Variants in FLRT1 observed in about 807,000 individuals in gnomAD.
FLRT1 encodes the protein fibronectin leucine rich transmembrane protein 1.
FLRT1 carries 14 observed loss-of-function variants against 30.9 expected under a neutral mutation model. That is an observed-to-expected ratio of 0.45 (90% CI 0.30 to 0.71). The LOEUF (loss-of-function observed/expected upper bound fraction) is 0.71. Ranked by LOEUF, FLRT1 falls within the 30% of genes least tolerant of loss-of-function variation. FLRT1 has a pLI of 0.08. For missense variants in FLRT1, 737 were observed against 949.2 expected (o/e 0.78, Z 2.94); for synonymous variants, 368 against 430.4 (o/e 0.85, Z 1.80).
At position 64,096,902 on chromosome 11, in the gene FLRT1, C is replaced by G. The variant is rs979183995; in HGVS notation, c.-1037-6292C>G. On this transcript the variant is annotated intron_variant, in intron 1 of 2. Transcript: ENST00000682287. This position sits in a 1 kb window ranked among gnomAD's most constrained non-coding sequence, Gnocchi z 4.6. Reference sequence around the variant, plus strand: ...AGCTGAGAGCCGATGCCTGTCCCTCCGTGAGCTGGGTGCGAGTGGCCCTTG... The same window carrying G: ...AGCTGAGAGCCGATGCCTGTCCCTCGGTGAGCTGGGTGCGAGTGGCCCTTG... Among the ~76,000 whole-genome samples, 1 of 152,236 alleles carries G rather than the reference C, an allele frequency of 6.6e-6. No homozygotes were observed. The highest frequency in any genetic ancestry group is 2.4e-5 in the African/African-American group (1 of 41,468).
At chr11:64,061,873 C>CTTTTT (rs57666180) in intron 1 of FLRT1, among the ~76,000 whole-genome samples, 11 of 99,116 alleles carry the variant, frequency 1.1e-4, no homozygotes, top group Non-Finnish European at 1.3e-4. Flanking sequence ...ACCACGCTGG[C>CTTTTT]TTTTTTTTTT....
chr11:64,072,803 C>T (rs549910575), intron 1 of FLRT1, among the ~76,000 whole-genome samples: 1 of 152,338 alleles, frequency 6.6e-6, no homozygotes, highest in South Asian at 2.1e-4. Context: ...TGCAGCTCCA[C>T]CCTGCATGTG....
chr11:64,042,607 G>T (rs1943509352), intron 1 of FLRT1, among the ~76,000 whole-genome samples: 1 of 152,102 alleles, frequency 6.6e-6, no homozygotes, highest in Non-Finnish European at 1.5e-5. Context: ...GGCCTGTGGG[G>T]GTCTTGGAAG....
chr11:64,065,641 T>G (rs1943989235), intron 1 of FLRT1, among the ~76,000 whole-genome samples: 1 of 151,686 alleles, frequency 6.6e-6, no homozygotes, highest in African/African-American at 2.4e-5. Context: ...ATACAAAAAA[T>G]TAGCCAGGCA....
chr11:64,042,767 T>C (rs1943512946), intron 1 of FLRT1, among the ~76,000 whole-genome samples: 1 of 152,102 alleles, frequency 6.6e-6, no homozygotes, highest in Non-Finnish European at 1.5e-5. Context: ...GACCACTAGG[T>C]CCCTAGTAGC....
At chr11:64,058,730 G>A (rs1036961768) in intron 1 of FLRT1, among the ~76,000 whole-genome samples, 2 of 152,260 alleles carry the variant, frequency 1.3e-5, no homozygotes, top group Non-Finnish European at 2.9e-5. Flanking sequence ...CAATTACCTC[G>A]CCTCCTGCTT....
intron 1 of FLRT1, among the ~76,000 whole-genome samples, chr11:64,041,882 G>T (rs894937408): frequency 1.3e-5 from 2 of 152,222 alleles, no homozygotes; most frequent in African/African-American, 4.8e-5. Context: ...AAGGCTGAGG[G>T]TGCCCCGCCC....
intron 1 of FLRT1, among the ~76,000 whole-genome samples, chr11:64,070,276 C>A (rs1293145456): frequency 6.6e-6 from 1 of 152,130 alleles, no homozygotes; most frequent in Non-Finnish European, 1.5e-5. Context: ...TGCCAGTCCT[C>A]AGCCCAGCCT....
intron 2 of FLRT1, among the ~76,000 whole-genome samples, chr11:64,109,390 G>T (rs1944820611): frequency 6.6e-6 from 1 of 152,112 alleles, no homozygotes; most frequent in South Asian, 2.1e-4. Flanking sequence ...TGCTCCCCCA[G>T]ACCTGGGAAA....
chr11:64,108,826 T>G (rs1014890671), intron 2 of FLRT1, among the ~76,000 whole-genome samples: 1 of 152,114 alleles, frequency 6.6e-6, no homozygotes, highest in Non-Finnish European at 1.5e-5. Flanking sequence ...ACCTGGGGGC[T>G]GGGAAGTGGG....
At chr11:64,050,411 C>T (rs762708338) in intron 1 of FLRT1, among the ~76,000 whole-genome samples, 2 of 152,240 alleles carry the variant, frequency 1.3e-5, no homozygotes, top group Non-Finnish European at 2.9e-5. Flanking sequence ...AGGCCCTTGG[C>T]CAGCCCTCAG....
chr11:64,044,445 C>T (rs979508477), intron 1 of FLRT1, among the ~76,000 whole-genome samples: 5 of 152,040 alleles, frequency 3.3e-5, no homozygotes, highest in Non-Finnish European at 5.9e-5. Flanking sequence ...GACAGGGTTT[C>T]CTTATGTTGC....
intron 1 of FLRT1, among the ~76,000 whole-genome samples, chr11:64,078,852 G>A (rs778591994): frequency 1.3e-5 from 2 of 152,232 alleles, no homozygotes; most frequent in Non-Finnish European, 2.9e-5. Context: ...ATAGCTGGCC[G>A]TGGAGACTGT....
In FLRT1 at chr11:64,067,788, T is replaced by C. The variant is rs974097443; in HGVS notation, c.-1038+31629T>C. Reference sequence around the variant, plus strand: ...TGGCCCCAGAGCTGTTTGTTTTCCCTGACTGAGGGGCGGCTGTGCCACCCC... The same window carrying C: ...TGGCCCCAGAGCTGTTTGTTTTCCCCGACTGAGGGGCGGCTGTGCCACCCC... On this transcript the variant is annotated intron_variant, in intron 1 of 2. Transcript: ENST00000682287. The surrounding 1 kb of genome is among the most constrained non-coding windows in gnomAD (Gnocchi z 4.6). Among the ~76,000 whole-genome samples the C allele has an allele frequency of 4.6e-5, 7 of 152,092 alleles. No individual in the cohort carries two copies. Among genetic ancestry groups the C allele is most frequent in the Non-Finnish European group, 7.4e-5 (5 of 68,008 alleles).
intron 1 of FLRT1, among the ~76,000 whole-genome samples, chr11:64,077,742 C>T (rs1386587894): frequency 6.6e-6 from 1 of 152,252 alleles, no homozygotes; most frequent in Non-Finnish European, 1.5e-5. Context: ...CCCCTCACTG[C>T]ATTGCCGAGG....
At chr11:64,081,432 C>A (rs562147016) in intron 1 of FLRT1, among the ~76,000 whole-genome samples, 1 of 152,186 alleles carries the variant, frequency 6.6e-6, no homozygotes, top group Non-Finnish European at 1.5e-5. Flanking sequence ...GGGACCTGTC[C>A]CAGCTGTGAC....
At chr11:64,101,750 C>G (rs1260224136) in intron 1 of FLRT1, among the ~76,000 whole-genome samples, 1 of 152,220 alleles carries the variant, frequency 6.6e-6, no homozygotes, top group Non-Finnish European at 1.5e-5. Flanking sequence ...TAAGCCCCAC[C>G]GTACCCCTTC....
In FLRT1 at chr11:64,104,096, G is replaced by C. The variant is rs1944717003; in HGVS notation, c.-135G>C. On this transcript the variant is annotated 5_prime_UTR_variant, in exon 2 of 3. Transcript: ENST00000682287. ...GCCATCTGAGCTCACGGTGTCCTGA[G>C]TCGCGGCTTCGTGACTTTGGCAGGG... is the stretch of plus-strand genomic sequence containing the variant. 6.6e-6 allele frequency: 1 copy of C among 152,336 alleles called. No homozygotes were observed. Among genetic ancestry groups the C allele is most frequent in the South Asian group, 2.1e-4 (1 of 4,836 alleles). The allele number at this position is 152,336 out of a possible 1,614,324, so 9.4% of individuals were successfully genotyped here. A position where few individuals can be genotyped will look rare whatever the true frequency, so the allele number is the denominator to read the frequency against.
chr11:64,116,644 C>T lies in FLRT1; in HGVS notation c.377C>T (p.Pro126Leu). The T allele has an allele frequency of 1.2e-6, 2 of 1,614,140 alleles. No individual in the cohort carries two copies. Among genetic ancestry groups the T allele is most frequent in the South Asian group, 1.1e-5 (1 of 91,090 alleles). ...NDLDEFPINL[P>L]RSLRELHLQD... The stretch of plus-strand genomic sequence containing the variant: ...CTGGATGAGTTCCCCATCAACCTGC[C>T]CCGCTCCCTCCGGGAGCTGCACCTG... Residue 126 changes from proline to leucine, a missense_variant, in exon 3 of 3, where the codon CCC (proline) becomes CTC (leucine). Pro to Leu is a moderately conservative substitution (Grantham distance 98, BLOSUM62 -3). Coordinates refer to ENST00000682287, the MANE Select transcript of FLRT1 (RefSeq NM_013280.5).
Sources: gnomAD v4.1 joint callset for allele counts (sites outside exome capture counted in the v4.1 genomes callset) on GRCh38, gnomAD v4.1.1 for gene constraint, Gnocchi (gnomAD v3.1) non-coding constraint, MANE v1.5 for transcripts, NCBI Gene and HGNC (gene_info 2026-07-23, HGNC 2026-07-21) for gene names.